Variants in RNGTT observed in about 807,000 individuals in gnomAD.
RNGTT encodes RNA guanylyltransferase and 5'-phosphatase.
Under a neutral mutation model 79.3 loss-of-function variants are expected in RNGTT, and 33 were observed. That is an observed-to-expected ratio of 0.42 (90% CI 0.32 to 0.56). RNGTT has a LOEUF of 0.56. Among genes scored for constraint, RNGTT ranks in the 20% least tolerant of loss-of-function variants. The pLI is 0.17. For synonymous variants in RNGTT, 222 were observed against 235.9 expected (o/e 0.94, Z 0.54); for missense variants, 497 against 739.1 (o/e 0.67, Z 3.80).
At chr6:88,817,905 G>A (rs1240680097) in intron 11 of RNGTT, among the ~76,000 whole-genome samples, 3 of 151,656 alleles carry the variant, frequency 2.0e-5, no homozygotes, top group East Asian at 2.0e-4. Context: ...GACTACAGGC[G>A]CCCGCCAACA....
intron 13 of RNGTT, among the ~76,000 whole-genome samples, chr6:88,750,472 G>A (rs78890758): frequency 6.6e-6 from 1 of 152,168 alleles, no homozygotes; most frequent in African/African-American, 2.4e-5. Flanking sequence ...GGGAGGCAAA[G>A]ATGGTCCACA....
intron 12 of RNGTT, among the ~76,000 whole-genome samples, chr6:88,794,341 A>C (rs897738555): frequency 6.6e-6 from 1 of 152,212 alleles, no homozygotes; most frequent in African/African-American, 2.4e-5. Flanking sequence ...TAACAGCATA[A>C]ATTAGATTAC....
At chr6:88,859,741 T>C (rs1219308303) in intron 8 of RNGTT, among the ~76,000 whole-genome samples, 1 of 152,112 alleles carries the variant, frequency 6.6e-6, no homozygotes, top group Non-Finnish European at 1.5e-5. Context: ...AGTTGGAGAA[T>C]GGAGTAATAG....
chr6:88,735,255 T>C (rs750082038), intron 13 of RNGTT, among the ~76,000 whole-genome samples: 1 of 152,136 alleles, frequency 6.6e-6, no homozygotes. Flanking sequence ...ATCCCCTTTT[T>C]AGTAACTGAT....
chr6:88,852,923 T>C lies in RNGTT; in HGVS notation c.1032+706A>G, dbSNP rs112220051. ...ATGGTAAACCATTCAGACATTTATG[T>C]GAAAAAGATGTCCAAAACACATTGC... is the stretch of plus-strand genomic sequence containing the variant. On this transcript the variant is annotated intron_variant, in intron 9 of 15. Coordinates refer to ENST00000369485, the MANE Select transcript of RNGTT (RefSeq NM_003800.5). Among the ~76,000 whole-genome samples the C allele has an allele frequency of 3.6e-3, 544 of 152,324 alleles. 9 individuals are homozygous for C. The highest frequency in any genetic ancestry group is 0.013 in the African/African-American group (526 of 41,574).
chr6:88,636,653 G>A (rs1203270034), intron 14 of RNGTT, among the ~76,000 whole-genome samples: 1 of 150,300 alleles, frequency 6.7e-6, no homozygotes, highest in Non-Finnish European at 1.5e-5. Flanking sequence ...AACTAGAAAG[G>A]ATCCTGGACA....
chr6:88,954,800 TAG>T (rs1562086137), intron 1 of RNGTT, among the ~76,000 whole-genome samples: 1 of 151,722 alleles, frequency 6.6e-6, no homozygotes, highest in Non-Finnish European at 1.5e-5. Context: ...CCCAACACTT[TAG>T]GAAGCTGAGG....
intron 14 of RNGTT, among the ~76,000 whole-genome samples, chr6:88,629,810 G>A (rs1430254250): frequency 6.6e-6 from 1 of 152,166 alleles, no homozygotes; most frequent in Non-Finnish European, 1.5e-5. Flanking sequence ...TCTCTAGAAA[G>A]TAACCAGCAC....
At chr6:88,910,220 C>T (rs1783787105) in intron 4 of RNGTT, among the ~76,000 whole-genome samples, 1 of 152,102 alleles carries the variant, frequency 6.6e-6, no homozygotes, top group African/African-American at 2.4e-5. Context: ...AGGTTGAAAT[C>T]CAATCCAAGG....
chr6:88,864,264 G>A (rs1211788964), intron 8 of RNGTT, among the ~76,000 whole-genome samples: 1 of 152,130 alleles, frequency 6.6e-6, no homozygotes, highest in African/African-American at 2.4e-5. Flanking sequence ...CAGGGAGCAA[G>A]TAGGAGTGTT....
chr6:88,805,261 A>G (rs1235178765), intron 11 of RNGTT, among the ~76,000 whole-genome samples: 2 of 152,204 alleles, frequency 1.3e-5, no homozygotes, highest in Non-Finnish European at 2.9e-5. Context: ...GTGAGTACAA[A>G]GAAAACAACA....
intron 14 of RNGTT, among the ~76,000 whole-genome samples, chr6:88,629,347 A>G (rs1191558368): frequency 1.3e-5 from 2 of 152,174 alleles, no homozygotes; most frequent in Admixed American, 1.3e-4. Context: ...GCAGGGGGAA[A>G]AAAGATGCAA....
At chr6:88,748,264 A>G (rs1777730111) in intron 13 of RNGTT, among the ~76,000 whole-genome samples, 1 of 152,110 alleles carries the variant, frequency 6.6e-6, no homozygotes, top group Non-Finnish European at 1.5e-5. Context: ...AAGCCCTAAC[A>G]GTAGCCATAA....
intron 6 of RNGTT, among the ~76,000 whole-genome samples, chr6:88,899,749 A>G (rs1783383185): frequency 6.6e-6 from 1 of 152,130 alleles, no homozygotes; most frequent in Admixed American, 6.5e-5. Flanking sequence ...CCTTTCTAGT[A>G]CTCTCCTCTA....
At chr6:88,814,898 CA>C (rs1232893231) in intron 11 of RNGTT, among the ~76,000 whole-genome samples, 1 of 152,000 alleles carries the variant, frequency 6.6e-6, no homozygotes, top group Non-Finnish European at 1.5e-5. Context: ...TGAGAAATTG[CA>C]AAAATATACC....
intron 13 of RNGTT, among the ~76,000 whole-genome samples, chr6:88,724,011 C>A (rs1014528205): frequency 6.6e-6 from 1 of 152,078 alleles, no homozygotes; most frequent in African/African-American, 2.4e-5. Flanking sequence ...AGGCGTGAGC[C>A]ACCGCGCTCA....
rs67058652 is a variant in RNGTT at position 88,696,601 on chromosome 6, T to TACAC, written c.1440-18186_1440-18183dup. 4.7e-3 allele frequency among the ~76,000 whole-genome samples: 699 copies of TACAC among 147,588 alleles called. 4 individuals carry two copies. Among genetic ancestry groups the TACAC allele is most frequent in the African/African-American group, 0.012 (475 of 40,064 alleles). On this transcript the variant is annotated intron_variant, in intron 13 of 15. Transcript: ENST00000369485. ...TGCAGGATGAACAGAAATCCTGAAG[T>TACAC]ACACACACACACACACACACACACA...
At chr6:88,726,389 CAAAA>C (rs61210098) in intron 13 of RNGTT, among the ~76,000 whole-genome samples, 6 of 99,530 alleles carry the variant, frequency 6.0e-5, no homozygotes, top group Admixed American at 2.0e-4. Flanking sequence ...ATCCTAAGTC[CAAAA>C]AAAAAAAAAA....
At chr6:88,925,289 G>A (rs1030416174) in intron 4 of RNGTT, among the ~76,000 whole-genome samples, 1 of 152,016 alleles carries the variant, frequency 6.6e-6, no homozygotes. Context: ...CAAATAATAA[G>A]CATTTATTAA....
Sources: allele counts gnomAD v4.1 joint callset (sites outside exome capture counted in the v4.1 genomes callset), GRCh38; gene constraint gnomAD v4.1.1; transcripts MANE v1.5; gene names NCBI Gene and HGNC (gene_info 2026-07-23, HGNC 2026-07-21).